Variants in USP47 observed in about 807,000 individuals in gnomAD.
USP47 encodes the protein ubiquitin specific peptidase 47.
USP47 carries 35 observed loss-of-function variants against 165.1 expected under a neutral mutation model. The observed-to-expected ratio is 0.21, with a 90% confidence interval of 0.16 to 0.28. The LOEUF (loss-of-function observed/expected upper bound fraction) is 0.28. USP47 is among the 10% of genes least tolerant of loss of function. The probability of loss-of-function intolerance (pLI) is 1.00; values close to 1 mark genes in which losing one functional copy is unlikely to be tolerated. For missense variants in USP47, 1,277 were observed against 1,607.4 expected (o/e 0.79, Z 3.52); for synonymous variants, 531 against 544.5 (o/e 0.98, Z 0.35).
rs920071604 is a variant in USP47, at chr11:11,960,786, A to G, written c.*4611A>G. On this transcript the variant is annotated 3_prime_UTR_variant, in exon 28 of 28. Transcript: ENST00000527733. Reference sequence around the variant, plus strand: ...AAACCAAGCATAGCTATCAAAAAGTAATCTCCAAATAGTTGAATTGCATTT... The same window carrying G: ...AAACCAAGCATAGCTATCAAAAAGTGATCTCCAAATAGTTGAATTGCATTT... Among the ~76,000 whole-genome samples, 1 of 152,220 alleles carries G rather than the reference A, an allele frequency of 6.6e-6. No homozygotes were observed. The highest frequency in any genetic ancestry group is 2.1e-4 in the South Asian group (1 of 4,836).
chr11:11,868,451 G>A (rs1166344895), intron 1 of USP47, among the ~76,000 whole-genome samples: 6 of 152,116 alleles, frequency 3.9e-5, no homozygotes, highest in African/African-American at 1.4e-4. Context: ...GTTTTTTCAG[G>A]TTGTTACATG....
intron 8 of USP47, among the ~76,000 whole-genome samples, chr11:11,915,610 CA>C (rs1426780192): frequency 6.6e-6 from 1 of 151,772 alleles, no homozygotes; most frequent in Non-Finnish European, 1.5e-5. Flanking sequence ...GGGAAGTGTA[CA>C]AGAGGTCTCT....
intron 1 of USP47, among the ~76,000 whole-genome samples, chr11:11,864,725 A>T (rs1308998139): frequency 2.0e-5 from 3 of 151,646 alleles, no homozygotes; most frequent in Non-Finnish European, 2.9e-5. Flanking sequence ...GTATGTGTGT[A>T]TATCATATTT....
chr11:11,938,829 C>G (rs1001585320), intron 18 of USP47, among the ~76,000 whole-genome samples: 1 of 151,834 alleles, frequency 6.6e-6, no homozygotes, highest in Non-Finnish European at 1.5e-5. Context: ...AATTCAAGTG[C>G]AGTTGTATGA....
At chr11:11,944,790 G>A (rs1855715607) in intron 20 of USP47, among the ~76,000 whole-genome samples, 1 of 152,018 alleles carries the variant, frequency 6.6e-6, no homozygotes, top group South Asian at 2.1e-4. Context: ...AACCCATCAA[G>A]GACATTAGAA....
rs1183100927 is a variant in USP47, at chr11:11,959,947, T to TA, written c.*3773dup. Among the ~76,000 whole-genome samples, 2 of 152,192 alleles carry TA rather than the reference T, an allele frequency of 1.3e-5. No homozygotes were observed. Among genetic ancestry groups the TA allele is most frequent in the Non-Finnish European group, 2.9e-5 (2 of 68,048 alleles). On this transcript the variant is annotated 3_prime_UTR_variant, in exon 28 of 28. Coordinates refer to ENST00000527733, the MANE Select transcript of USP47 (RefSeq NM_001282659.2). Reference sequence around the variant, plus strand: ...CTCCCCACCTGTTTTCAGCCTCTTTTATAATGCTTAAGTAACCTGCTTGAA... The same window carrying TA: ...CTCCCCACCTGTTTTCAGCCTCTTTTAATAATGCTTAAGTAACCTGCTTGAA...
chr11:11,932,988 T>C lies in USP47; in HGVS notation c.1652-16T>C. The C allele has an allele frequency of 6.2e-7, 1 of 1,601,768 alleles. No individual in the cohort carries two copies. The highest frequency in any genetic ancestry group is 8.5e-7 in the Non-Finnish European group (1 of 1,170,822). On this transcript the variant is annotated splice_polypyrimidine_tract_variant and intron_variant, in intron 14 of 27. Transcript: ENST00000527733. The stretch of plus-strand genomic sequence containing the variant: ...GTTTCAGTGACACTGTCTTATCCTG[T>C]TTTTATTACTAATAGAATTTCTAGA...
At position 11,940,425 on chromosome 11, in the gene USP47, A is replaced by C; in HGVS notation, c.2194-4A>C. The C allele has an allele frequency of 6.2e-7, 1 of 1,604,532 alleles. No homozygotes were observed. The highest frequency in any genetic ancestry group is 8.5e-7 in the Non-Finnish European group (1 of 1,175,128). The stretch of plus-strand genomic sequence containing the variant: ...TACTTTTTATTAAATTGCTTTCATT[A>C]TAGGCCATCCATTTACCTGCTGAAA... On this transcript the variant is annotated splice_polypyrimidine_tract_variant and splice_region_variant and intron_variant, in intron 18 of 27. Coordinates refer to ENST00000527733, the MANE Select transcript of USP47 (RefSeq NM_001282659.2).
intron 1 of USP47, among the ~76,000 whole-genome samples, chr11:11,842,527 A>G (rs1043746255): frequency 1.3e-5 from 2 of 152,166 alleles, no homozygotes; most frequent in African/African-American, 4.8e-5. Flanking sequence ...TTCTTGTTTA[A>G]CGTGTGGAGC....
At chr11:11,847,631 T>C (rs773731752) in intron 1 of USP47, among the ~76,000 whole-genome samples, 1 of 152,198 alleles carries the variant, frequency 6.6e-6, no homozygotes, top group Non-Finnish European at 1.5e-5. Flanking sequence ...TTCTCACATA[T>C]AGTTCACCAC....
chr11:11,901,658 A>G (rs1267163136), intron 5 of USP47, among the ~76,000 whole-genome samples: 2 of 152,004 alleles, frequency 1.3e-5, no homozygotes, highest in Non-Finnish European at 2.9e-5. Flanking sequence ...AATTTTAAAC[A>G]TTCAAAAAAA....
At chr11:11,861,835 A>G (rs1211982162) in intron 1 of USP47, among the ~76,000 whole-genome samples, 1 of 152,202 alleles carries the variant, frequency 6.6e-6, no homozygotes, top group Non-Finnish European at 1.5e-5. Context: ...TAATTTAGAA[A>G]CAAATGTGAT....
At chr11:11,870,713 C>T (rs1425690865) in intron 1 of USP47, among the ~76,000 whole-genome samples, 1 of 152,152 alleles carries the variant, frequency 6.6e-6, no homozygotes, top group Non-Finnish European at 1.5e-5. Flanking sequence ...TTCTGGCCTC[C>T]GTGGTTTCTG....
intron 10 of USP47, among the ~76,000 whole-genome samples, chr11:11,920,824 C>T (rs549076292): frequency 6.6e-6 from 1 of 151,798 alleles, no homozygotes; most frequent in East Asian, 1.9e-4. Context: ...GTTATTGAAA[C>T]CAGCCTGAAG....
chr11:11,912,286 C>T (rs1039887227), intron 8 of USP47, among the ~76,000 whole-genome samples: 5 of 151,860 alleles, frequency 3.3e-5, no homozygotes, highest in Non-Finnish European at 4.4e-5. Flanking sequence ...AAAGGGCTGG[C>T]TCTTTGAAAA....
intron 2 of USP47, among the ~76,000 whole-genome samples, chr11:11,882,300 T>C (rs1366155796): frequency 6.6e-6 from 1 of 152,180 alleles, no homozygotes; most frequent in Non-Finnish European, 1.5e-5. Context: ...CCTCTAACAG[T>C]CAGTGAAGTT....
rs560226999 is a variant in USP47, at chr11:11,890,474, A to G, written c.358-1494A>G. Among the ~76,000 whole-genome samples, 8 of 152,340 alleles carry G rather than the reference A, an allele frequency of 5.3e-5. No individual in the cohort carries two copies. In the South Asian group the frequency reaches 1.7e-3, roughly 32 times the overall value. On this transcript the variant is annotated intron_variant, in intron 3 of 27. Coordinates refer to ENST00000527733, the MANE Select transcript of USP47 (RefSeq NM_001282659.2). ...CATTACTGATCATTAGAGAAATGCA[A>G]ATCAAAACCGCAATGAGATACCATC... is the stretch of plus-strand genomic sequence containing the variant.
chr11:11,943,244 A>G, intron 20 of USP47, 132 bp downstream of exon 20: 1 of 1,049,954 alleles, frequency 9.5e-7, no homozygotes, highest in Non-Finnish European at 1.3e-6. Context: ...AAGATTATTG[A>G]CGCAGTTGTA....
At chr11:11,892,835 G>A (rs7924981) in intron 4 of USP47, among the ~76,000 whole-genome samples, 58,687 of 97,984 alleles carry the variant, frequency 0.6, 14,849 homozygotes, top group African/African-American at 0.72. Flanking sequence ...AAAAAAAAAA[G>A]AAAAAGAAAA....
Sources: gnomAD v4.1 joint callset for allele counts (sites outside exome capture counted in the v4.1 genomes callset) on GRCh38, gnomAD v4.1.1 for gene constraint, MANE v1.5 for transcripts, NCBI Gene and HGNC (gene_info 2026-07-23, HGNC 2026-07-21) for gene names.